The following EHBP1L1 variants were observed in gnomAD, a reference collection of about 807,000 sequenced individuals.
The protein encoded by EHBP1L1 is EH domain-binding protein 1-like protein 1.
Under a neutral mutation model 151.1 loss-of-function variants are expected in EHBP1L1, and 122 were observed. The ratio of observed to expected loss-of-function variants is 0.81; its 90% CI spans 0.70 to 0.94. EHBP1L1 has a LOEUF of 0.94. EHBP1L1 is among the 40% of genes least tolerant of loss of function. EHBP1L1 has a pLI of 0.00. For synonymous variants in EHBP1L1, 878 were observed against 810.1 expected, an observed-to-expected ratio of 1.08 and a Z score of -1.42; for missense variants, 1,941 against 1,959.8, an observed-to-expected ratio of 0.99 and a Z score of 0.18.
chr11:65,581,973 A>C lies in EHBP1L1; in HGVS notation c.1301A>C (p.His434Pro). Residue 434 changes from histidine to proline, a missense_variant, in exon 9 of 19, where the codon CAT becomes CCT. Physicochemically the swap from His to Pro is moderately conservative, Grantham distance 77 (BLOSUM62 -2). Coordinates refer to ENST00000309295, the MANE Select transcript of EHBP1L1 (RefSeq NM_001099409.3). ...GCTGAGCAGAGGTCAAAGGTGAGACATGTGGACACTAAGGGACCAGAGGCG... is the reference window on the plus strand; with the variant it reads ...GCTGAGCAGAGGTCAAAGGTGAGACCTGTGGACACTAAGGGACCAGAGGCG... ...VDAEQRSKVR[H>P]VDTKGPEATG... 6.2e-7 allele frequency: 1 copy of C among 1,613,090 alleles called. No individual in the cohort carries two copies. Among genetic ancestry groups the C allele is most frequent in the Non-Finnish European group, 8.5e-7 (1 of 1,179,346 alleles).
chr11:65,590,561 C>G lies in EHBP1L1; in HGVS notation c.4252C>G (p.Leu1418Val), dbSNP rs367895478. 26 of 1,613,686 alleles carry G rather than the reference C, an allele frequency of 1.6e-5. No homozygotes were observed. The African/African-American group carries it at 2.3e-4, about 14-fold the overall frequency. The change falls in exon 16 of 19, where the codon CTC becomes GTC. Residue 1418 changes from leucine (L) to valine (V), a missense_variant. Transcript: ENST00000309295. ...WFTLVNKKNA[L>V]IRRQDQLQLL... ...CACCCTGGTCAACAAGAAGAACGCT[C>G]TCATCCGGAGGCAGGACCAGCTGCA...
In EHBP1L1 at chr11:65,582,222, G is replaced by T; in HGVS notation, c.1550G>T (p.Gly517Val). The T allele has an allele frequency of 6.5e-7, 1 of 1,531,384 alleles. No homozygotes were observed. Among genetic ancestry groups the T allele is most frequent in the Non-Finnish European group, 8.7e-7 (1 of 1,143,396 alleles). The allele number at this position is 1,531,384 out of a possible 1,614,324, so 94.9% of individuals were successfully genotyped here. The stretch of plus-strand genomic sequence containing the variant: ...GCAGAAGTGAGGGGTGGAGCACCTG[G>T]TATTGAGGGGACAGGCCTGGAGCAG... ...EGAEVRGGAPGIEGTGLEQGP... is the reference protein window; with the variant it reads ...EGAEVRGGAPVIEGTGLEQGP... Residue 517 changes from glycine (G) to valine (V), a missense_variant, in exon 9 of 19, where the codon GGT (glycine) becomes GTT (valine). Gly to Val is a moderately radical substitution (Grantham distance 109, BLOSUM62 -3). Transcript: ENST00000309295.
Position 65,582,398 on chromosome 11 carries a change from G to C in EHBP1L1, c.1726G>C (p.Val576Leu). 1 of 1,604,864 alleles carries C rather than the reference G, an allele frequency of 6.2e-7. No homozygotes were observed. The highest frequency in any genetic ancestry group is 1.1e-5 in the South Asian group (1 of 90,392). ...GSGDLETETEVVGLEVLGTQE... is the reference protein window; with the variant it reads ...GSGDLETETELVGLEVLGTQE... Reference sequence around the variant, plus strand: ...AGGGGACCTGGAAACAGAGACTGAGGTGGTAGGGTTGGAGGTGCTGGGAAC... The same window carrying C: ...AGGGGACCTGGAAACAGAGACTGAGCTGGTAGGGTTGGAGGTGCTGGGAAC... Residue 576 changes from valine to leucine, a missense_variant, in exon 9 of 19, where the codon GTG becomes CTG. Coordinates refer to ENST00000309295, the MANE Select transcript of EHBP1L1 (RefSeq NM_001099409.3).
Position 65,592,272 on chromosome 11 carries a change from G to A in EHBP1L1, c.4542G>A (p.Leu1514=). ...EQRRRKLSRQ[L]SRRERCVLS ...GGCGCCGCAAGCTGAGCCGGCAGTT[G>A]AGCCGGCGGGAGCGCTGCGTGCTGA... Residue 1514 remains leucine (L), a synonymous_variant, in exon 19 of 19, where the codon TTG becomes TTA. Transcript: ENST00000309295. The A allele has an allele frequency of 6.5e-7, 1 of 1,530,678 alleles. No individual in the cohort carries two copies. Among genetic ancestry groups the A allele is most frequent in the Non-Finnish European group, 8.7e-7 (1 of 1,144,882 alleles). 94.8% of individuals were successfully genotyped at this position (1,530,678 alleles called of 1,614,324 possible). A position where few individuals can be genotyped will look rare whatever the true frequency, so the allele number is the denominator to read the frequency against.
In EHBP1L1 at chr11:65,580,346, C is replaced by T. The variant is rs1432678656; in HGVS notation, c.501C>T (p.Asp167=). The T allele has an allele frequency of 1.2e-6, 2 of 1,613,786 alleles. 1 individual carries two copies. Among genetic ancestry groups the T allele is most frequent in the South Asian group, 2.2e-5 (2 of 91,084 alleles). ...LLREGRATDD[D]MQSLASLMSV... is the part of the protein sequence containing the mutation. ...AACCTCTGCCTCCCAGGGACGATGACATGCAGAGTCTCGCAAGCCTCATGA... is the reference window on the plus strand; with the variant it reads ...AACCTCTGCCTCCCAGGGACGATGATATGCAGAGTCTCGCAAGCCTCATGA... Residue 167 remains aspartate, a synonymous_variant, in exon 6 of 19, where the codon GAC becomes GAT. Coordinates refer to ENST00000309295, the MANE Select transcript of EHBP1L1 (RefSeq NM_001099409.3).
Position 65,589,803 on chromosome 11 carries a change from ACT to A in EHBP1L1, c.3990_3991del (p.Gln1331ThrfsTer52). On this transcript the variant is annotated frameshift_variant, in exon 13 of 19. Transcript: ENST00000309295. LOFTEE classifies it high-confidence loss of function. ...GCCCCAGGCCCACCCACAGCTGCAG[ACT>A]CTCAACAGCCCCCTGGTGAGTAGCA... 2 of 1,563,302 alleles carry A rather than the reference ACT, an allele frequency of 1.3e-6. No homozygotes were observed. The highest frequency in any genetic ancestry group is 1.7e-6 in the Non-Finnish European group (2 of 1,153,958).
In EHBP1L1 at chr11:65,583,773, TG is replaced by T. The variant is rs891741824; in HGVS notation, c.3093+13del. 2.0e-6 allele frequency: 3 copies of T among 1,469,234 alleles called. No individual in the cohort carries two copies. The highest frequency in any genetic ancestry group is 2.7e-6 in the Non-Finnish European group (3 of 1,114,522). The allele number at this position is 1,469,234 out of a possible 1,614,324, so 91.0% of individuals were successfully genotyped here. A position where few individuals can be genotyped will look rare whatever the true frequency, so the allele number is the denominator to read the frequency against. Reference sequence around the variant, plus strand: ...AGGCTGCCGGGCAGCCAGGTAGGGATGGGGGCCGCCGAGGGCCCAGTCTGCT... The same window carrying T: ...AGGCTGCCGGGCAGCCAGGTAGGGATGGGGCCGCCGAGGGCCCAGTCTGCT... On this transcript the variant is annotated intron_variant, in intron 9 of 18. Transcript: ENST00000309295.
Position 65,583,343 on chromosome 11 carries a change from A to G in EHBP1L1, c.2671A>G (p.Thr891Ala), listed in dbSNP as rs1227270021. ...GACTTCGGGGGTCCAGGAAGCAGAG[A>G]CTAGAGTTGGGAGTGCTCTCAAATA... Reference protein sequence around the residue: ...AQTSGVQEAETRVGSALKYEA... With the variant: ...AQTSGVQEAEARVGSALKYEA... The change falls in exon 9 of 19, where the codon ACT (threonine) becomes GCT (alanine). Residue 891 changes from threonine to alanine, a missense_variant. Coordinates refer to ENST00000309295, the MANE Select transcript of EHBP1L1 (RefSeq NM_001099409.3). The G allele has an allele frequency of 2.5e-6, 4 of 1,613,680 alleles. No homozygotes were observed. Among genetic ancestry groups the G allele is most frequent in the Middle Eastern group, 1.7e-4 (1 of 6,060 alleles).
chr11:65,584,863 C>T (rs2135289153), intron 11 of EHBP1L1, 96 bp from the exon 12 acceptor site: 2 of 1,460,064 alleles, frequency 1.4e-6, no homozygotes, highest in South Asian at 1.3e-5. Context: ...ACCCGGGGTG[C>T]CAATCCCGGG....
chr11:65,584,102 C>G, intron 9 of EHBP1L1, 139 bp from the exon 10 acceptor site: 1 of 1,480,578 alleles, frequency 6.8e-7, no homozygotes, highest in Non-Finnish European at 8.9e-7. Flanking sequence ...TACCTGGCCC[C>G]AAGGCTCTAG....
chr11:65,589,810 A>G lies in EHBP1L1; in HGVS notation c.3993A>G (p.Gln1331=). ...APGPPTAADS[Q]QPPGGSSPSE... is the part of the protein sequence containing the mutation. ...GCCCACCCACAGCTGCAGACTCTCA[A>G]CAGCCCCCTGGTGAGTAGCAGGAGT... The change falls in exon 13 of 19, where the codon CAA becomes CAG. Residue 1331 remains glutamine, a synonymous_variant. Coordinates refer to ENST00000309295, the MANE Select transcript of EHBP1L1 (RefSeq NM_001099409.3). 6.4e-7 allele frequency: 1 copy of G among 1,563,960 alleles called. No homozygotes were observed.
chr11:65,584,434 C>A, intron 10 of EHBP1L1, 36 bp downstream of exon 10: 2 of 1,613,492 alleles, frequency 1.2e-6, no homozygotes, highest in Non-Finnish European at 1.7e-6. Flanking sequence ...AATGGGGGAG[C>A]CATCAGGGAG....
Position 65,576,266 on chromosome 11 carries a change from C to T in EHBP1L1, c.-37C>T. On this transcript the variant is annotated 5_prime_UTR_variant, in exon 1 of 19. Coordinates refer to ENST00000309295, the MANE Select transcript of EHBP1L1 (RefSeq NM_001099409.3). ...CAGCGGTGGCGGGCCAGCGGGAGCCCCGGGCCTGAGAAGTGGGCGGCGGGG... is the reference window on the plus strand; with the variant it reads ...CAGCGGTGGCGGGCCAGCGGGAGCCTCGGGCCTGAGAAGTGGGCGGCGGGG... 1 of 1,537,990 alleles carries T rather than the reference C, an allele frequency of 6.5e-7. No individual in the cohort carries two copies. The highest frequency in any genetic ancestry group is 8.7e-7 in the Non-Finnish European group (1 of 1,144,752).
At position 65,583,095 on chromosome 11, in the gene EHBP1L1, A is replaced by G. The variant is rs1437798365; in HGVS notation, c.2423A>G (p.Glu808Gly). ...GAGGTTGGGGGTTCAGAGGTTCCAG[A>G]GATAGCGACTGGGACAGCAGAAACT... ...VKEVGGSEVP[E>G]IATGTAETEI... is the part of the protein sequence containing the mutation. The change falls in exon 9 of 19, where the codon GAG (glutamate) becomes GGG (glycine). Residue 808 changes from glutamate (E) to glycine (G), a missense_variant. Coordinates refer to ENST00000309295, the MANE Select transcript of EHBP1L1 (RefSeq NM_001099409.3). 1.2e-6 allele frequency: 2 copies of G among 1,613,030 alleles called. No homozygotes were observed. The highest frequency in any genetic ancestry group is 1.7e-6 in the Non-Finnish European group (2 of 1,179,718).
chr11:65,577,309 G>A (rs1483337941), intron 1 of EHBP1L1, among the ~76,000 whole-genome samples: 3 of 152,222 alleles, frequency 2.0e-5, no homozygotes, highest in Non-Finnish European at 4.4e-5. Context: ...GGTCCAGGGG[G>A]AGGGGAGTAA....
Position 65,588,366 on chromosome 11 carries a change from C to T in EHBP1L1, c.3934-1385C>T, listed in dbSNP as rs76634615. ...GTGGTAGGAACATTGAGGCTGGGGC[C>T]GCCTGAGGCTTTGGCATGAGGCTGG... On this transcript the variant is annotated intron_variant, in intron 12 of 18. Transcript: ENST00000309295. 1.1e-3 allele frequency among the ~76,000 whole-genome samples: 174 copies of T among 152,064 alleles called. No individual in the cohort carries two copies. The East Asian group carries it at 0.024, about 21-fold the overall frequency.
In EHBP1L1 at chr11:65,585,139, C is replaced by T. The variant is rs1237113373; in HGVS notation, c.3481C>T (p.Arg1161Cys). ...LEGGGGAGTY[R>C]VGSAQPSPPD... ...GGGCGGCGGCGGCGCCGGCACGTAC[C>T]GCGTGGGCAGCGCCCAGCCCAGCCC... Residue 1161 changes from arginine to cysteine, a missense_variant, in exon 12 of 19, where the codon CGC becomes TGC. Coordinates refer to ENST00000309295, the MANE Select transcript of EHBP1L1 (RefSeq NM_001099409.3). This position sits in a 1 kb window ranked among gnomAD's most constrained non-coding sequence, Gnocchi z 4.0. 2 of 1,461,434 alleles carry T rather than the reference C, an allele frequency of 1.4e-6. No individual in the cohort carries two copies. Among genetic ancestry groups the T allele is most frequent in the Middle Eastern group, 2.3e-4 (1 of 4,404 alleles). 90.5% of individuals were successfully genotyped at this position (1,461,434 alleles called of 1,614,324 possible).
chr11:65,577,974 G>C (rs1151517), intron 1 of EHBP1L1, among the ~76,000 whole-genome samples: 58,741 of 152,098 alleles, frequency 0.39, 12,858 homozygotes, highest in African/African-American at 0.6. Flanking sequence ...GTGCTGCCCT[G>C]GGCCGGATCG....
At position 65,582,280 on chromosome 11, in the gene EHBP1L1, C is replaced by A; in HGVS notation, c.1608C>A (p.Pro536=). The change falls in exon 9 of 19, where the codon CCC becomes CCA. Residue 536 remains proline (P), a synonymous_variant. Transcript: ENST00000309295. ...CTGTTGGAGCAATAAGCACCAGGCC[C>A]CAGGTGAGCAGCTGGCAGGGGGCCC... ...GPSVGAISTR[P]QVSSWQGALL... 1 of 1,530,514 alleles carries A rather than the reference C, an allele frequency of 6.5e-7. No homozygotes were observed. The highest frequency in any genetic ancestry group is 8.7e-7 in the Non-Finnish European group (1 of 1,144,256). 94.8% of individuals were successfully genotyped at this position (1,530,514 alleles called of 1,614,324 possible).
Sources: allele counts gnomAD v4.1 joint callset (sites outside exome capture counted in the v4.1 genomes callset), GRCh38; gene constraint gnomAD v4.1.1; non-coding constraint Gnocchi (gnomAD v3.1); transcripts MANE v1.5; gene names NCBI Gene and HGNC (gene_info 2026-07-23, HGNC 2026-07-21).